Variants in RBM20 observed in about 807,000 individuals in gnomAD.
RBM20 encodes the protein RNA binding motif protein 20, also known as RNA-binding protein 20.
In RBM20, 51 loss-of-function variants were observed where a neutral mutation model predicts 110.1. The observed-to-expected ratio is 0.46, with a 90% CI of 0.37 to 0.59. The LOEUF (loss-of-function observed/expected upper bound fraction) is 0.59, where lower values mean the gene tolerates loss of function less well. Ranked by LOEUF, RBM20 falls within the 20% of genes least tolerant of loss-of-function variation. RBM20 has a pLI of 0.00. For missense variants in RBM20, 1,512 were observed against 1,574.9 expected, an observed-to-expected ratio of 0.96 and a Z score of 0.68; for synonymous variants, 589 against 618.2, an observed-to-expected ratio of 0.95 and a Z score of 0.70.
chr10:110,758,520 A>G (rs1460137766), intron 1 of RBM20, among the ~76,000 whole-genome samples: 1 of 152,212 alleles, frequency 6.6e-6, no homozygotes, highest in East Asian at 1.9e-4. Flanking sequence ...AAGGCAGGAC[A>G]TATGGTTCAC....
At chr10:110,712,544 A>AG (rs1862949765) in intron 1 of RBM20, among the ~76,000 whole-genome samples, 2 of 152,298 alleles carry the variant, frequency 1.3e-5, no homozygotes, top group African/African-American at 4.8e-5. Context: ...AGGCGGGTGG[A>AG]TCACTTGAGG....
intron 6 of RBM20, 73 bp downstream of exon 6, chr10:110,797,721 T>A: frequency 2.1e-6 from 3 of 1,459,718 alleles, no homozygotes; most frequent in Non-Finnish European, 2.8e-6. Flanking sequence ...GATATAATTT[T>A]TGAAAGAAGC....
intron 1 of RBM20, 113 bp from the exon 2 acceptor site, chr10:110,780,688 C>T: frequency 8.4e-7 from 1 of 1,184,300 alleles, no homozygotes; most frequent in Non-Finnish European, 1.1e-6. Flanking sequence ...TATGTGGGAC[C>T]AGTGTGGGAA....
intron 1 of RBM20, chr10:110,756,469 A>C (rs1843922543): frequency 6.6e-6 from 1 of 152,360 alleles, no homozygotes; most frequent in Admixed American, 6.5e-5. Flanking sequence ...TGTGAAAGTG[A>C]TCTGGCTAGG....
chr10:110,725,809 T>G (rs1203936440), intron 1 of RBM20, among the ~76,000 whole-genome samples: 1 of 152,182 alleles, frequency 6.6e-6, no homozygotes, highest in East Asian at 1.9e-4. Context: ...ATAGCTGGGG[T>G]GGCGTGTGTA....
In RBM20 at chr10:110,644,507, A is replaced by G; in HGVS notation, c.53A>G (p.Gln18Arg). 6.6e-7 allele frequency: 1 copy of G among 1,526,532 alleles called. No individual in the cohort carries two copies. Among genetic ancestry groups the G allele is most frequent in the African/African-American group, 1.4e-5 (1 of 70,342 alleles). 94.6% of individuals were successfully genotyped at this position (1,526,532 alleles called of 1,614,324 possible). A position where few individuals can be genotyped will look rare whatever the true frequency, so the allele number is the denominator to read the frequency against. Reference sequence around the variant, plus strand: ...GACGCGGACCCCAGCGGTCCGGAGCAGCCGGACAGAGTTGCCTGCAGTGTG... The same window carrying G: ...GACGCGGACCCCAGCGGTCCGGAGCGGCCGGACAGAGTTGCCTGCAGTGTG... The part of the protein sequence containing the change: ...SQDADPSGPE[Q>R]PDRVACSVPG... Residue 18 changes from glutamine (Q) to arginine (R), a missense_variant, in exon 1 of 14, where the codon CAG (glutamine) becomes CGG (arginine). This residue lies in a region of RBM20 where 1,149 missense variants were observed against 1,169.4 expected (regional missense o/e 0.98). Transcript: ENST00000369519. The surrounding 1 kb of genome is among the most constrained non-coding windows in gnomAD (Gnocchi z 4.3).
chr10:110,822,713 G>A (rs2135124091), intron 11 of RBM20, among the ~76,000 whole-genome samples: 1 of 152,240 alleles, frequency 6.6e-6, no homozygotes, highest in African/African-American at 2.4e-5. Flanking sequence ...AAAATACAGA[G>A]GAAAGGCTTA....
chr10:110,687,296 A>T (rs374621163), intron 1 of RBM20, among the ~76,000 whole-genome samples: 10,883 of 152,238 alleles, frequency 0.071, 581 homozygotes, highest in Non-Finnish European at 0.1. Flanking sequence ...GAGGGTTAAC[A>T]TTTTTTAAGT....
rs142488933 is a variant in RBM20 at position 110,833,114 on chromosome 10, G to A, written c.3573+1932G>A. Among the ~76,000 whole-genome samples, 68 of 151,400 alleles carry A rather than the reference G, an allele frequency of 4.5e-4. No homozygotes were observed. In the East Asian group the frequency reaches 0.012, roughly 26 times the overall value. On this transcript the variant is annotated intron_variant, in intron 13 of 13. Coordinates refer to ENST00000369519, the MANE Select transcript of RBM20 (RefSeq NM_001134363.3). ...TTTTGAAATGCAGCTTCCTGGGCCC[G>A]GCACAGTGGCTCACACCTGTAATCC...
chr10:110,760,154 C>T (rs1454873528), intron 1 of RBM20, among the ~76,000 whole-genome samples: 1 of 152,176 alleles, frequency 6.6e-6, no homozygotes, highest in Non-Finnish European at 1.5e-5. Context: ...CGTGTTCCAT[C>T]CCCTTTTGCA....
chr10:110,705,255 T>C (rs1862818852), intron 1 of RBM20, among the ~76,000 whole-genome samples: 1 of 152,146 alleles, frequency 6.6e-6, no homozygotes, highest in African/African-American at 2.4e-5. Flanking sequence ...ACAACATTAT[T>C]TTCAATAAAA....
At chr10:110,755,284 A>G (rs1413688103) in intron 1 of RBM20, among the ~76,000 whole-genome samples, 1 of 152,190 alleles carries the variant, frequency 6.6e-6, no homozygotes, top group Non-Finnish European at 1.5e-5. Flanking sequence ...GGGCCCTGAC[A>G]TCTTTCATCC....
Position 110,781,365 on chromosome 10 carries a change from A to G in RBM20, c.756A>G (p.Pro252=). 1.3e-6 allele frequency: 2 copies of G among 1,551,746 alleles called. No homozygotes were observed. Among genetic ancestry groups the G allele is most frequent in the Non-Finnish European group, 8.7e-7 (1 of 1,147,008 alleles). Residue 252 remains proline, a synonymous_variant, in exon 2 of 14, where the codon CCA becomes CCG. Transcript: ENST00000369519. ...PETDGQPGFL[P]SSASTSGSVT... is the part of the protein sequence containing the mutation. ...CAGATGGTCAGCCTGGCTTCCTGCC[A>G]TCCTCGGCCTCAACCTCGGGCAGTG...
At position 110,760,413 on chromosome 10, in the gene RBM20, G is replaced by T. The variant is rs566217676; in HGVS notation, c.192-20388G>T. Among the ~76,000 whole-genome samples, 25 of 136,040 alleles carry T rather than the reference G, an allele frequency of 1.8e-4. No homozygotes were observed. In the East Asian group the frequency reaches 5.7e-3, roughly 31 times the overall value. The allele number at this position is 136,040 out of a possible 152,430, so 89.2% of individuals were successfully genotyped here. A position where few individuals can be genotyped will look rare whatever the true frequency, so the allele number is the denominator to read the frequency against. ...TACATGGGTCAATATTAGCCCAGCT[G>T]AATTCCATCATCTTTTTTTTTTTTT... On this transcript the variant is annotated intron_variant, in intron 1 of 13. Transcript: ENST00000369519.
chr10:110,812,214 T>C, intron 8 of RBM20, 64 bp from the exon 9 acceptor site: 1 of 1,374,242 alleles, frequency 7.3e-7, no homozygotes, highest in Non-Finnish European at 9.8e-7. Flanking sequence ...TGTGTGTCTG[T>C]GTGTGGGTGG....
chr10:110,801,183 C>T (rs1056688702), intron 7 of RBM20, among the ~76,000 whole-genome samples: 1 of 152,116 alleles, frequency 6.6e-6, no homozygotes, highest in African/African-American at 2.4e-5. Flanking sequence ...AATCCCAGCA[C>T]TTTGGGAGAC....
At chr10:110,782,407 G>C (rs551148224) in intron 2 of RBM20, among the ~76,000 whole-genome samples, 2 of 152,258 alleles carry the variant, frequency 1.3e-5, no homozygotes, top group African/African-American at 4.8e-5. Flanking sequence ...CCTTCCCGGT[G>C]GTTGGGAAAT....
At chr10:110,803,267 TAA>T (rs977014249) in intron 7 of RBM20, among the ~76,000 whole-genome samples, 102 of 152,360 alleles carry the variant, frequency 6.7e-4, no homozygotes, top group African/African-American at 2.3e-3. Flanking sequence ...GAGCTATGAT[TAA>T]AACTTAGTGC....
At position 110,777,818 on chromosome 10, in the gene RBM20, C is replaced by T. The variant is rs187965389; in HGVS notation, c.192-2983C>T. On this transcript the variant is annotated intron_variant, in intron 1 of 13. Transcript: ENST00000369519. ...GCTGACTTCTCTGGGAAAAACAAAA[C>T]CAACCTTGTCTTACTCTGGTCATGG... Among the ~76,000 whole-genome samples, 613 of 152,316 alleles carry T rather than the reference C, an allele frequency of 4.0e-3. 5 individuals carry two copies. The highest frequency in any genetic ancestry group is 0.014 in the African/African-American group (583 of 41,578).
Sources: gnomAD v4.1 joint callset for allele counts (sites outside exome capture counted in the v4.1 genomes callset) on GRCh38, gnomAD v4.1.1 for gene constraint, gnomAD v4.1.1 regional missense constraint, Gnocchi (gnomAD v3.1) non-coding constraint, MANE v1.5 for transcripts, NCBI Gene and HGNC (gene_info 2026-07-23, HGNC 2026-07-21) for gene names.